The following ERCC8 variants were observed in gnomAD, a reference collection of about 807,000 sequenced individuals.
ERCC8 encodes ERCC excision repair 8, CSA ubiquitin ligase complex subunit.
Under a neutral mutation model 54.9 loss-of-function variants are expected in ERCC8, and 52 were observed. The observed-to-expected ratio is 0.95, with a 90% CI of 0.76 to 1.19. The LOEUF (loss-of-function observed/expected upper bound fraction) is 1.19, where lower values mean the gene tolerates loss of function less well. Ranked by LOEUF, ERCC8 falls within the 50% of genes most tolerant of loss-of-function variation. The probability of loss-of-function intolerance (pLI) is 0.00; values close to 1 mark genes in which losing one functional copy is unlikely to be tolerated. For synonymous variants in ERCC8, 146 were observed against 157.2 expected (o/e 0.93, Z 0.53); for missense variants, 514 against 466.1 (o/e 1.10, Z -0.95).
chr5:60,887,977 C>A (rs1250269413), intron 10 of ERCC8, among the ~76,000 whole-genome samples: 1 of 152,130 alleles, frequency 6.6e-6, no homozygotes, highest in Non-Finnish European at 1.5e-5. Context: ...AACAGAAGAG[C>A]TTGAAGATGT....
At chr5:60,928,992 A>T (rs777308161) in intron 1 of ERCC8, 33 bp from the exon 2 acceptor site, 1 of 1,255,148 alleles carries the variant, frequency 8.0e-7, no homozygotes, top group South Asian at 1.2e-5. Flanking sequence ...AGAAATTAAC[A>T]AGTAATTTAA....
chr5:60,900,044 T>C (rs1748831268), intron 7 of ERCC8, among the ~76,000 whole-genome samples: 1 of 152,042 alleles, frequency 6.6e-6, no homozygotes, highest in South Asian at 2.1e-4. Flanking sequence ...TGTAGCTTGT[T>C]CCAAGTAAGT....
chr5:60,918,774 T>C (rs776530668), intron 3 of ERCC8, among the ~76,000 whole-genome samples: 78 of 152,222 alleles, frequency 5.1e-4, no homozygotes, highest in Non-Finnish European at 9.0e-4. Flanking sequence ...TTAGCACTAC[T>C]ATTCTTAGAA....
chr5:60,898,109 G>A (rs916758291), intron 9 of ERCC8, among the ~76,000 whole-genome samples, 167 bp downstream of exon 9: 2 of 152,138 alleles, frequency 1.3e-5, no homozygotes, highest in Non-Finnish European at 2.9e-5. Context: ...GTGGGTAAGG[G>A]TGGGTTGTCC....
At chr5:60,876,025 C>G (rs1187366112) in intron 11 of ERCC8, among the ~76,000 whole-genome samples, 1 of 152,020 alleles carries the variant, frequency 6.6e-6, no homozygotes, top group Non-Finnish European at 1.5e-5. Flanking sequence ...CTATCCCTCC[C>G]CCCTACCCCC....
At chr5:60,906,386 C>T (rs1460384829) in intron 4 of ERCC8, among the ~76,000 whole-genome samples, 1 of 151,476 alleles carries the variant, frequency 6.6e-6, no homozygotes, top group African/African-American at 2.4e-5. Flanking sequence ...GGTGGTCTCT[C>T]ATTAGCTTTA....
At chr5:60,904,628 G>GTATATATATA (rs1362263921) in intron 5 of ERCC8, among the ~76,000 whole-genome samples, 164 bp downstream of exon 5, 7 of 67,800 alleles carry the variant, frequency 1.0e-4, no homozygotes, top group Non-Finnish European at 1.9e-4. Flanking sequence ...TATAGTGTGT[G>GTATATATATA]TGTGTGTATA....
At chr5:60,917,549 G>C (rs1244292231) in intron 4 of ERCC8, 1 of 152,074 alleles carries the variant, frequency 6.6e-6, no homozygotes, top group Non-Finnish European at 1.5e-5. Flanking sequence ...TAGTAGTCCA[G>C]ATGTGCAGTA....
Position 60,873,307 on chromosome 5 carries a change from A to C in ERCC8, c.*1308T>G, listed in dbSNP as rs1747903167. Among the ~76,000 whole-genome samples, 1 of 152,186 alleles carries C rather than the reference A, an allele frequency of 6.6e-6. No homozygotes were observed. Among genetic ancestry groups the C allele is most frequent in the South Asian group, 2.1e-4 (1 of 4,836 alleles). The stretch of plus-strand genomic sequence containing the variant: ...ATCTGCCAATTGGAAAAAAAAATCA[A>C]TTGTAAAAGCAAGTGTTTGGAAAAC... On this transcript the variant is annotated 3_prime_UTR_variant, in exon 12 of 12. Transcript: ENST00000676185.
intron 9 of ERCC8, chr5:60,893,130 T>C (rs1748615432): frequency 2.5e-6 from 2 of 796,272 alleles, no homozygotes; most frequent in Non-Finnish European, 4.5e-6. Flanking sequence ...TAGGATAGCC[T>C]CCCCCATTTG....
At chr5:60,904,636 A>G (rs956876634) in intron 5 of ERCC8, among the ~76,000 whole-genome samples, 156 bp downstream of exon 5, 303 of 16,980 alleles carry the variant, frequency 0.018, 1 homozygote, top group African/African-American at 0.081. Flanking sequence ...GTGTGTGTGT[A>G]TATATATATA....
Position 60,879,763 on chromosome 5 carries a change from C to G in ERCC8, c.1123-5080G>C, listed in dbSNP as rs921006771. On this transcript the variant is annotated intron_variant, in intron 11 of 11. Transcript: ENST00000676185. ...TTATTTTCAGCCTATGTGTGTCTCTCCACGTGAGATGGGTTTCCTGAATAC... is the reference window on the plus strand; with the variant it reads ...TTATTTTCAGCCTATGTGTGTCTCTGCACGTGAGATGGGTTTCCTGAATAC... Among the ~76,000 whole-genome samples the G allele has an allele frequency of 1.8e-4, 28 of 152,212 alleles. No homozygotes were observed. The South Asian group carries it at 2.5e-3, about 14-fold the overall frequency.
At chr5:60,881,340 T>A (rs1748215113) in intron 11 of ERCC8, among the ~76,000 whole-genome samples, 1 of 152,214 alleles carries the variant, frequency 6.6e-6, no homozygotes, top group African/African-American at 2.4e-5. Flanking sequence ...CTGTCTGTTC[T>A]CAGATCTCCA....
At chr5:60,933,848 T>C (rs561465264) in intron 1 of ERCC8, among the ~76,000 whole-genome samples, 1 of 152,286 alleles carries the variant, frequency 6.6e-6, no homozygotes, top group South Asian at 2.1e-4. Flanking sequence ...TTCCTGAGTT[T>C]CTTCACTTAC....
chr5:60,908,581 A>ATT (rs142838100), intron 4 of ERCC8, among the ~76,000 whole-genome samples: 2,140 of 137,270 alleles, frequency 0.016, 29 homozygotes, highest in African/African-American at 0.035. Flanking sequence ...ATATATATAT[A>ATT]TATTTTTTTT....
rs1748632533 is a variant in ERCC8 at position 60,893,580 on chromosome 5, T to C, written c.844-2494A>G. ...TTTTTGTTTCTAAGTTTCATCATCA[T>C]GATCAGCTTGAAAGCAGATAGGTTC... On this transcript the variant is annotated intron_variant, in intron 9 of 11. Coordinates refer to ENST00000676185, the MANE Select transcript of ERCC8 (RefSeq NM_000082.4). 6.1e-6 allele frequency: 4 copies of C among 659,950 alleles called. No homozygotes were observed. The East Asian group carries it at 1.1e-4, about 18-fold the overall frequency. The allele number at this position is 659,950 out of a possible 1,614,324, so 40.9% of individuals were successfully genotyped here.
Position 60,944,959 on chromosome 5 carries a change from C to G in ERCC8, c.50G>C (p.Arg17Pro), listed in dbSNP as rs747942972. ...CCGTGTTGACTCTGCTCTCCGAAGG[C>G]GAAGAGGGTCCTCCAAACCCGTTTG... The part of the protein sequence containing the change: ...ARQTGLEDPL[R>P]LRRAESTRRV... Residue 17 changes from arginine (R) to proline (P), a missense_variant, in exon 1 of 12, where the codon CGC becomes CCC. Physicochemically the swap from Arg to Pro is moderately radical, Grantham distance 103. Transcript: ENST00000676185. The G allele has an allele frequency of 3.1e-6, 5 of 1,614,052 alleles. No homozygotes were observed. The Admixed American group carries it at 6.7e-5, about 22-fold the overall frequency.
At chr5:60,896,591 G>C (rs1254381061) in intron 9 of ERCC8, among the ~76,000 whole-genome samples, 1 of 152,170 alleles carries the variant, frequency 6.6e-6, no homozygotes, top group Admixed American at 6.5e-5. Context: ...TCTGAAGACA[G>C]TGTGTTTCCC....
At chr5:60,884,645 T>C (rs1748344648) in intron 11 of ERCC8, among the ~76,000 whole-genome samples, 1 of 151,648 alleles carries the variant, frequency 6.6e-6, no homozygotes. Context: ...ATTATAAACA[T>C]ACATGTAAGG....
Sources: allele counts gnomAD v4.1 joint callset (sites outside exome capture counted in the v4.1 genomes callset), GRCh38; gene constraint gnomAD v4.1.1; transcripts MANE v1.5; gene names NCBI Gene and HGNC (gene_info 2026-07-23, HGNC 2026-07-21).